The following CDH18 variants were observed in gnomAD, a reference collection of about 807,000 sequenced individuals.
CDH18 encodes cadherin 18, also known as cadherin-18.
In CDH18, 31 loss-of-function variants were observed where a neutral mutation model predicts 67.9. The ratio of observed to expected loss-of-function variants is 0.46; its 90% confidence interval spans 0.34 to 0.62. The LOEUF (loss-of-function observed/expected upper bound fraction) is 0.62. CDH18 is among the 20% of genes least tolerant of loss of function. The pLI, the probability that CDH18 is intolerant of heterozygous loss-of-function variation, is 0.01. For missense variants in CDH18, 890 were observed against 975.5 expected, an observed-to-expected ratio of 0.91 and a Z score of 1.17; for synonymous variants, 362 against 347.2, an observed-to-expected ratio of 1.04 and a Z score of -0.48.
chr5:20,208,333 GC>G (rs1740076042), intron 2 of CDH18, among the ~76,000 whole-genome samples: 1 of 152,088 alleles, frequency 6.6e-6, no homozygotes, highest in Non-Finnish European at 1.5e-5. Context: ...TGATTCAATT[GC>G]CTTTCACCAG....
intron 3 of CDH18, among the ~76,000 whole-genome samples, chr5:19,772,095 TC>T (rs1280165144): frequency 1.3e-5 from 2 of 152,174 alleles, no homozygotes; most frequent in Non-Finnish European, 2.9e-5. Context: ...CTTTTTACTC[TC>T]CTGTCGTTAA....
At chr5:20,565,382 C>T (rs1758443524) in intron 1 of CDH18, among the ~76,000 whole-genome samples, 1 of 152,064 alleles carries the variant, frequency 6.6e-6, no homozygotes, top group Non-Finnish European at 1.5e-5. Flanking sequence ...ATCCTGATTA[C>T]TACTTAGTTC....
chr5:20,535,367 TC>T (rs1561105054), intron 1 of CDH18, among the ~76,000 whole-genome samples: 1 of 152,136 alleles, frequency 6.6e-6, no homozygotes, highest in East Asian at 1.9e-4. Flanking sequence ...TCCCCATTTT[TC>T]CCTCTGTTGC....
At chr5:19,530,491 G>A (rs1580035092) in intron 9 of CDH18, among the ~76,000 whole-genome samples, 1 of 152,154 alleles carries the variant, frequency 6.6e-6, no homozygotes, top group East Asian at 1.9e-4. Flanking sequence ...GTGCAGGTTT[G>A]TTACATATGT....
intron 5 of CDH18, among the ~76,000 whole-genome samples, chr5:19,712,589 CAT>C (rs2150535146): frequency 6.6e-6 from 1 of 151,384 alleles, no homozygotes; most frequent in East Asian, 1.9e-4. Flanking sequence ...GAAAAAATAA[CAT>C]AGAAGCAGTG....
chr5:20,170,969 G>T (rs1736657163), intron 2 of CDH18, among the ~76,000 whole-genome samples: 2 of 151,506 alleles, frequency 1.3e-5, no homozygotes, highest in Admixed American at 1.3e-4. Context: ...TTAGTTATCT[G>T]TTCCTGCATT....
chr5:20,280,415 G>A (rs187033662), intron 1 of CDH18, among the ~76,000 whole-genome samples: 1 of 152,054 alleles, frequency 6.6e-6, no homozygotes, highest in African/African-American at 2.4e-5. Flanking sequence ...GTGACCATGC[G>A]TCCTCATTGT....
intron 2 of CDH18, among the ~76,000 whole-genome samples, chr5:19,898,345 T>G (rs1377334627): frequency 2.1e-5 from 1 of 47,402 alleles, no homozygotes; most frequent in East Asian, 4.0e-4. Context: ...ATCATTGTTC[T>G]TATAGTTAAA....
At chr5:19,937,211 G>C (rs1430809874) in intron 2 of CDH18, among the ~76,000 whole-genome samples, 1 of 151,250 alleles carries the variant, frequency 6.6e-6, no homozygotes, top group African/African-American at 2.4e-5. Context: ...ATATAATTAT[G>C]GTTACAGAAA....
At chr5:20,081,534 C>T (rs903087703) in intron 2 of CDH18, among the ~76,000 whole-genome samples, 6 of 152,138 alleles carry the variant, frequency 3.9e-5, no homozygotes, top group Non-Finnish European at 5.9e-5. Context: ...ATAGCAAAGA[C>T]ATGGGATCTA....
chr5:19,758,978 T>C (rs148493617), intron 3 of CDH18, among the ~76,000 whole-genome samples: 1 of 152,170 alleles, frequency 6.6e-6, no homozygotes, highest in Non-Finnish European at 1.5e-5. Context: ...AACCAGAGAG[T>C]TGATATACCT....
chr5:19,538,267 C>T (rs2127036107), intron 9 of CDH18, among the ~76,000 whole-genome samples: 1 of 152,272 alleles, frequency 6.6e-6, no homozygotes, highest in South Asian at 2.1e-4. Flanking sequence ...GTTGAGCCCA[C>T]CTGGACTTCT....
At chr5:19,875,318 C>T (rs1786816991) in intron 2 of CDH18, among the ~76,000 whole-genome samples, 1 of 152,096 alleles carries the variant, frequency 6.6e-6, no homozygotes, top group Non-Finnish European at 1.5e-5. Flanking sequence ...ACTTAGCTTT[C>T]ACTTTTGCCT....
At position 19,546,677 on chromosome 5, in the gene CDH18, G is replaced by A. The variant is rs559045976; in HGVS notation, c.1254-2672C>T. The stretch of plus-strand genomic sequence containing the variant: ...CTCTCATAGGCATAAGGTGTTAGAA[G>A]GGTATGCAGAGCATATTGCTAAGGT... On this transcript the variant is annotated intron_variant, in intron 8 of 12. Transcript: ENST00000382275. Among the ~76,000 whole-genome samples the A allele has an allele frequency of 3.9e-5, 6 of 152,276 alleles. No individual in the cohort carries two copies. In the East Asian group the frequency reaches 7.7e-4, roughly 20 times the overall value.
chr5:20,485,737 C>T (rs1455530558), intron 1 of CDH18, among the ~76,000 whole-genome samples: 1 of 152,090 alleles, frequency 6.6e-6, no homozygotes, highest in Admixed American at 6.6e-5. Context: ...ATAAGTGCAT[C>T]TTTATGCTTT....
chr5:20,529,326 A>G (rs935545134), intron 1 of CDH18, among the ~76,000 whole-genome samples: 2 of 151,966 alleles, frequency 1.3e-5, no homozygotes, highest in African/African-American at 2.4e-5. Flanking sequence ...AGAGATACAA[A>G]GAGGAGCTGG....
At chr5:19,508,865 C>CTTTTT (rs35438564) in intron 10 of CDH18, among the ~76,000 whole-genome samples, 10 of 127,600 alleles carry the variant, frequency 7.8e-5, no homozygotes, top group East Asian at 4.4e-4. Context: ...TCTTTCTTTT[C>CTTTTT]TTTTTTTTTT....
intron 1 of CDH18, among the ~76,000 whole-genome samples, chr5:20,260,836 C>A (rs181926309): frequency 6.6e-6 from 1 of 152,304 alleles, no homozygotes; most frequent in East Asian, 1.9e-4. Flanking sequence ...TAATAGCCAG[C>A]AGAAGATGGG....
At chr5:20,393,496 C>A (rs1452026071) in intron 1 of CDH18, among the ~76,000 whole-genome samples, 1 of 151,942 alleles carries the variant, frequency 6.6e-6, no homozygotes, top group Admixed American at 6.6e-5. Context: ...CTTCCTGATG[C>A]AGTAACTAAG....
Sources: allele counts gnomAD v4.1 joint callset (sites outside exome capture counted in the v4.1 genomes callset), GRCh38; gene constraint gnomAD v4.1.1; transcripts MANE v1.5; gene names NCBI Gene and HGNC (gene_info 2026-07-23, HGNC 2026-07-21).